LINGO2: variants seen among roughly 807,000 people sequenced by gnomAD.
LINGO2 encodes leucine-rich repeat and immunoglobulin-like domain-containing nogo receptor-interacting protein 2.
Under a neutral mutation model 30.6 loss-of-function variants are expected in LINGO2, and 14 were observed. The observed-to-expected ratio is 0.46, with a 90% CI of 0.30 to 0.72. The LOEUF (loss-of-function observed/expected upper bound fraction) is 0.72. Ranked by LOEUF, LINGO2 falls within the 30% of genes least tolerant of loss-of-function variation. The pLI is 0.07. For missense variants in LINGO2, 729 were observed against 751.7 expected, an observed-to-expected ratio of 0.97 and a Z score of 0.35; for synonymous variants, 317 against 288.5, an observed-to-expected ratio of 1.10 and a Z score of -1.00.
the LINGO2 span, among the ~76,000 whole-genome samples, chr9:28,675,543 T>C: frequency 6.6e-6 from 1 of 152,098 alleles, no homozygotes. Context: ...CAAAAGTTTA[T>C]AAAATTAATA....
chr9:28,970,149 G>T, the LINGO2 span, among the ~76,000 whole-genome samples: 1 of 152,104 alleles, frequency 6.6e-6, no homozygotes, highest in South Asian at 2.1e-4. Context: ...TAAGCTTAGG[G>T]CACATCAGTG....
At chr9:28,903,517 G>A in the LINGO2 span, among the ~76,000 whole-genome samples, 14 of 152,034 alleles carry the variant, frequency 9.2e-5, no homozygotes, top group African/African-American at 2.7e-4. Context: ...CCTCTGTCAC[G>A]TAGGTTAGAG....
chr9:28,831,820 C>T, the LINGO2 span, among the ~76,000 whole-genome samples: 1 of 152,006 alleles, frequency 6.6e-6, no homozygotes, highest in Non-Finnish European at 1.5e-5. Context: ...CCTAAGAAAA[C>T]TTTTGTTTGT....
At chr9:28,563,765 A>T (rs1337656730) in intron 1 of LINGO2, among the ~76,000 whole-genome samples, 1 of 152,140 alleles carries the variant, frequency 6.6e-6, no homozygotes, top group East Asian at 1.9e-4. Context: ...TCAATCAGAC[A>T]TTTTGGCTAA....
chr9:28,295,784 G>A (rs558884453), intron 3 of LINGO2, among the ~76,000 whole-genome samples: 8 of 152,248 alleles, frequency 5.3e-5, no homozygotes, highest in Admixed American at 1.3e-4. Flanking sequence ...CAGTTAGAGC[G>A]AAATCCACAA....
chr9:28,658,655 G>C (rs1258486563), intron 1 of LINGO2, among the ~76,000 whole-genome samples: 1 of 151,994 alleles, frequency 6.6e-6, no homozygotes, highest in Non-Finnish European at 1.5e-5. Context: ...AAAGCATATA[G>C]TTGGATTTTA....
chr9:28,631,261 T>C (rs1427753441), intron 1 of LINGO2, among the ~76,000 whole-genome samples: 1 of 151,940 alleles, frequency 6.6e-6, no homozygotes, highest in African/African-American at 2.4e-5. Context: ...CTGAACCCAT[T>C]AACTCATCAT....
chr9:28,104,126 C>G (rs1249711990), intron 4 of LINGO2, among the ~76,000 whole-genome samples: 1 of 151,956 alleles, frequency 6.6e-6, no homozygotes, highest in Non-Finnish European at 1.5e-5. Context: ...AAAGCAATGA[C>G]TCCTTGTCCC....
At chr9:28,456,987 A>C (rs1343955345) in intron 2 of LINGO2, among the ~76,000 whole-genome samples, 1 of 152,186 alleles carries the variant, frequency 6.6e-6, no homozygotes, top group East Asian at 1.9e-4. Context: ...GGAAGCAAGA[A>C]TCATTTTCTA....
chr9:28,189,701 G>GAAGAAGGAAGGAAGGAAGGA (rs1554684594), intron 4 of LINGO2, among the ~76,000 whole-genome samples: 1 of 16,600 alleles, frequency 6.0e-5, no homozygotes, highest in African/African-American at 1.8e-4. Flanking sequence ...GGAAGGGAGG[G>GAAGAAGGAAGGAAGGAAGGA]AGGAAGGAAG....
At chr9:29,055,376 G>A in the LINGO2 span, among the ~76,000 whole-genome samples, 1 of 152,094 alleles carries the variant, frequency 6.6e-6, no homozygotes, top group Non-Finnish European at 1.5e-5. Context: ...GCATATGGCA[G>A]GATTTACTTC....
the LINGO2 span, among the ~76,000 whole-genome samples, chr9:28,775,092 C>G: frequency 1.3e-5 from 2 of 152,204 alleles, no homozygotes; most frequent in African/African-American, 4.8e-5. Flanking sequence ...GGTGATGCTG[C>G]CAAAGTGAGC....
intron 4 of LINGO2, among the ~76,000 whole-genome samples, chr9:28,031,771 G>A (rs373048818): frequency 5.9e-5 from 9 of 152,208 alleles, no homozygotes; most frequent in African/African-American, 2.2e-4. Flanking sequence ...CTGTATGGCA[G>A]CAAGCTGTCC....
intron 4 of LINGO2, among the ~76,000 whole-genome samples, chr9:28,064,395 G>A (rs1323292401): frequency 2.0e-5 from 3 of 152,110 alleles, no homozygotes; most frequent in African/African-American, 7.2e-5. Context: ...TCTCTGAGCA[G>A]AAATGGGACG....
the LINGO2 span, among the ~76,000 whole-genome samples, chr9:28,817,825 C>G: frequency 6.6e-6 from 1 of 152,150 alleles, no homozygotes; most frequent in Non-Finnish European, 1.5e-5. Flanking sequence ...GAAATGAATA[C>G]ACTTTGACCT....
At chr9:28,871,206 G>A in the LINGO2 span, among the ~76,000 whole-genome samples, 1 of 151,208 alleles carries the variant, frequency 6.6e-6, no homozygotes, top group Non-Finnish European at 1.5e-5. Flanking sequence ...AATGAGGTAA[G>A]CCTAAATTAT....
chr9:28,082,858 A>T (rs1361969876), intron 4 of LINGO2, among the ~76,000 whole-genome samples: 1 of 152,048 alleles, frequency 6.6e-6, no homozygotes, highest in Non-Finnish European at 1.5e-5. Flanking sequence ...ATCAGAGCCA[A>T]AACACTAAAT....
At chr9:28,742,145 G>A in the LINGO2 span, among the ~76,000 whole-genome samples, 1 of 151,958 alleles carries the variant, frequency 6.6e-6, no homozygotes, top group Non-Finnish European at 1.5e-5. Context: ...TGGGGTTTGA[G>A]GCAAAATCTA....
rs146779123 is a variant in LINGO2, at chr9:28,196,099, T to C, written c.-87+99109A>G. On this transcript the variant is annotated intron_variant, in intron 4 of 5. Transcript: ENST00000379992. ...TGATAAATATACAAATATGCTAACATCCTTTTTGACAAAATCTCTTAAAAT... is the reference window on the plus strand; with the variant it reads ...TGATAAATATACAAATATGCTAACACCCTTTTTGACAAAATCTCTTAAAAT... Among the ~76,000 whole-genome samples, 138 of 151,736 alleles carry C rather than the reference T, an allele frequency of 9.1e-4. 1 individual carries two copies. The highest frequency in any genetic ancestry group is 3.3e-3 in the African/African-American group (137 of 41,522).
Sources: gnomAD v4.1 joint callset for allele counts (sites outside exome capture counted in the v4.1 genomes callset) on GRCh38, gnomAD v4.1.1 for gene constraint, MANE v1.5 for transcripts, NCBI Gene and HGNC (gene_info 2026-07-23, HGNC 2026-07-21) for gene names.